Variants in TTC7B observed in about 807,000 individuals in gnomAD.
TTC7B encodes tetratricopeptide repeat domain 7B, also known as tetratricopeptide repeat protein 7B.
A neutral mutation model predicts 106.8 loss-of-function variants in TTC7B; 28 were observed. That is an observed-to-expected ratio of 0.26 (90% CI 0.19 to 0.36). The LOEUF (loss-of-function observed/expected upper bound fraction) is 0.36. TTC7B is among the 10% of genes least tolerant of loss of function. The pLI, the probability that TTC7B is intolerant of heterozygous loss-of-function variation, is 1.00. For missense variants in TTC7B, 862 were observed against 1,076.4 expected, an observed-to-expected ratio of 0.80 and a Z score of 2.79; for synonymous variants, 405 against 430.6, an observed-to-expected ratio of 0.94 and a Z score of 0.74.
In TTC7B at chr14:90,540,992, T is replaced by C; in HGVS notation, c.*376A>G. The C allele has an allele frequency of 5.2e-6, 1 of 192,148 alleles. No individual in the cohort carries two copies. 11.9% of individuals were successfully genotyped at this position (192,148 alleles called of 1,614,324 possible). A position where few individuals can be genotyped will look rare whatever the true frequency, so the allele number is the denominator to read the frequency against. The stretch of plus-strand genomic sequence containing the variant: ...GGTGGGGAGAAAAGGACAGTTGTTT[T>C]CTTTACAGCTCTGATAAAAATAATC... On this transcript the variant is annotated 3_prime_UTR_variant, in exon 20 of 20. Transcript: ENST00000328459.
At chr14:90,561,787 A>C (rs1890597721) in intron 19 of TTC7B, among the ~76,000 whole-genome samples, 1 of 152,218 alleles carries the variant, frequency 6.6e-6, no homozygotes, top group Admixed American at 6.5e-5. Context: ...GGCAGGGAAG[A>C]GGGCTGGCTA....
intron 16 of TTC7B, among the ~76,000 whole-genome samples, 158 bp downstream of exon 16, chr14:90,617,771 G>A (rs1013405433): frequency 2.0e-5 from 3 of 152,178 alleles, no homozygotes; most frequent in Admixed American, 6.5e-5. Context: ...CCTTAAACAT[G>A]GAGTGTGAAG....
chr14:90,810,876 C>T (rs546525687), intron 1 of TTC7B, among the ~76,000 whole-genome samples: 9 of 152,172 alleles, frequency 5.9e-5, no homozygotes, highest in Non-Finnish European at 1.3e-4. Context: ...AGTCAAATAG[C>T]GTGAGCAAAG....
intron 13 of TTC7B, among the ~76,000 whole-genome samples, chr14:90,652,171 G>C (rs983018374): frequency 6.6e-6 from 1 of 152,302 alleles, no homozygotes; most frequent in East Asian, 1.9e-4. Flanking sequence ...GGGACCGGCA[G>C]CTCCTGTAAC....
At chr14:90,712,055 CA>C (rs1219938266) in intron 5 of TTC7B, among the ~76,000 whole-genome samples, 2 of 151,746 alleles carry the variant, frequency 1.3e-5, no homozygotes, top group African/African-American at 2.4e-5. Flanking sequence ...AATAAAAGGA[CA>C]AAAAAATATA....
intron 17 of TTC7B, among the ~76,000 whole-genome samples, chr14:90,609,656 G>A (rs1215877747): frequency 6.6e-6 from 1 of 152,150 alleles, no homozygotes; most frequent in African/African-American, 2.4e-5. Context: ...TAAAAGACCA[G>A]GCATACCCAG....
rs1429509208 is a variant in TTC7B, at chr14:90,802,384, G to C, written c.121+13791C>G. On this transcript the variant is annotated intron_variant, in intron 1 of 19. Transcript: ENST00000328459. The surrounding 1 kb of genome is among the most constrained non-coding windows in gnomAD (Gnocchi z 4.7). ...GTGAAGGCTGTGGCAGCCCGGTCCT[G>C]AGAGGGTGAGAACGGAAGGGATTCT... Among the ~76,000 whole-genome samples the C allele has an allele frequency of 1.3e-5, 2 of 152,202 alleles. No individual in the cohort carries two copies. The highest frequency in any genetic ancestry group is 2.9e-5 in the Non-Finnish European group (2 of 68,048).
At chr14:90,561,553 A>T (rs1430774153) in intron 19 of TTC7B, among the ~76,000 whole-genome samples, 1 of 152,222 alleles carries the variant, frequency 6.6e-6, no homozygotes, top group Non-Finnish European at 1.5e-5. Flanking sequence ...ACATGTGATC[A>T]CATCTAATTT....
At chr14:90,780,220 A>C (rs985537935) in intron 3 of TTC7B, among the ~76,000 whole-genome samples, 8 of 152,036 alleles carry the variant, frequency 5.3e-5, no homozygotes, top group African/African-American at 1.9e-4. Context: ...CCTCTCTACT[A>C]AAAATACAAA....
chr14:90,675,779 T>G (rs1886809303), intron 9 of TTC7B: 1 of 146,668 alleles, frequency 6.8e-6, no homozygotes, highest in Non-Finnish European at 1.5e-5. Flanking sequence ...ATAAATAACA[T>G]GGAAAAGTTC....
chr14:90,732,667 T>C (rs761188538), intron 4 of TTC7B, among the ~76,000 whole-genome samples: 1 of 152,058 alleles, frequency 6.6e-6, no homozygotes, highest in South Asian at 2.1e-4. Context: ...CATGAGCCAC[T>C]GCGCCTGGCT....
chr14:90,579,659 C>T (rs765143228), intron 18 of TTC7B, among the ~76,000 whole-genome samples: 5 of 151,998 alleles, frequency 3.3e-5, no homozygotes, highest in Non-Finnish European at 7.4e-5. Flanking sequence ...ATTAGCCGGG[C>T]GTGGTGTTGC....
intron 17 of TTC7B, among the ~76,000 whole-genome samples, chr14:90,607,088 T>C (rs866045173): frequency 2.6e-5 from 4 of 152,194 alleles, no homozygotes; most frequent in African/African-American, 9.7e-5. Flanking sequence ...AGAATGCTGA[T>C]TGCTAAAACT....
intron 19 of TTC7B, among the ~76,000 whole-genome samples, chr14:90,560,537 G>A (rs1173423275): frequency 6.6e-6 from 1 of 152,242 alleles, no homozygotes; most frequent in Non-Finnish European, 1.5e-5. Context: ...GATTCAGAAA[G>A]GGAAAGGAGA....
At chr14:90,687,123 G>A (rs1202754342) in intron 7 of TTC7B, among the ~76,000 whole-genome samples, 3 of 152,006 alleles carry the variant, frequency 2.0e-5, no homozygotes, top group Non-Finnish European at 2.9e-5. Context: ...CAATCATGGC[G>A]ATGGATGCAC....
In TTC7B at chr14:90,529,104, GTGTGACCTGACTGCTTTGTTACCTGTTTC is replaced by G. The variant is rs1889221015; in HGVS notation, c.*12235_*12263del. Reference sequence around the variant, plus strand: ...TGCGCTTTGTTACCTGTTTCCGATGGTGTGACCTGACTGCTTTGTTACCTGTTTCCAATGGCGTGACCTGACTGCGCTTT... The same window carrying G: ...TGCGCTTTGTTACCTGTTTCCGATGGCAATGGCGTGACCTGACTGCGCTTT... On this transcript the variant is annotated 3_prime_UTR_variant, in exon 20 of 20. Coordinates refer to ENST00000328459, the MANE Select transcript of TTC7B (RefSeq NM_001010854.2). The G allele has an allele frequency of 6.4e-6, 1 of 155,132 alleles. No homozygotes were observed. Among genetic ancestry groups the G allele is most frequent in the Non-Finnish European group, 1.4e-5 (1 of 70,204 alleles). The allele number at this position is 155,132 out of a possible 1,614,324, so 9.6% of individuals were successfully genotyped here.
intron 13 of TTC7B, 151 bp from the exon 14 acceptor site, chr14:90,647,174 C>G: frequency 1.5e-6 from 1 of 665,504 alleles, no homozygotes; most frequent in Non-Finnish European, 2.7e-6. Flanking sequence ...TCTTCTTTGT[C>G]CACCTACACA....
chr14:90,769,412 T>C (rs12436311), intron 3 of TTC7B, among the ~76,000 whole-genome samples: 20,343 of 152,152 alleles, frequency 0.13, 1,652 homozygotes, highest in Non-Finnish European at 0.18. Flanking sequence ...TCCAACTATA[T>C]GCCGTCTACA....
chr14:90,567,906 C>A (rs1035868556), intron 19 of TTC7B, among the ~76,000 whole-genome samples: 4 of 152,324 alleles, frequency 2.6e-5, no homozygotes, highest in Middle Eastern at 3.4e-3. Context: ...AGACTTCTTA[C>A]AGGATATTCT....
Sources: gnomAD v4.1 joint callset for allele counts (sites outside exome capture counted in the v4.1 genomes callset) on GRCh38, gnomAD v4.1.1 for gene constraint, Gnocchi (gnomAD v3.1) non-coding constraint, MANE v1.5 for transcripts, NCBI Gene and HGNC (gene_info 2026-07-23, HGNC 2026-07-21) for gene names.